ASTN2: variants seen among roughly 807,000 people sequenced by gnomAD.
ASTN2 encodes astrotactin 2.
Under a neutral mutation model 139.8 loss-of-function variants are expected in ASTN2, and 54 were observed. The ratio of observed to expected loss-of-function variants is 0.39; its 90% CI spans 0.31 to 0.48. The LOEUF (loss-of-function observed/expected upper bound fraction) is 0.48. ASTN2 is among the 20% of genes least tolerant of loss of function. The pLI, the probability that ASTN2 is intolerant of heterozygous loss-of-function variation, is 0.95. For missense variants in ASTN2, 1,565 were observed against 1,725.1 expected (o/e 0.91, Z 1.64); for synonymous variants, 756 against 719.5 (o/e 1.05, Z -0.81).
chr9:116,946,936 C>CAAAAAAAAAAAAAAAA (rs3983292), intron 10 of ASTN2, among the ~76,000 whole-genome samples: 4 of 127,922 alleles, frequency 3.1e-5, no homozygotes, highest in African/African-American at 1.2e-4. Context: ...ACATTTTTGT[C>CAAAAAAAAAAAAAAAA]AAAAAAAAAA....
At chr9:117,013,484 ATATTT>A (rs138152636) in intron 6 of ASTN2, among the ~76,000 whole-genome samples, 22,574 of 93,812 alleles carry the variant, frequency 0.24, 2,100 homozygotes, top group East Asian at 0.46. Flanking sequence ...ATATATATAT[ATATTT>A]TTTTTTTTCT....
chr9:117,005,353 C>T (rs1273232472), intron 7 of ASTN2, among the ~76,000 whole-genome samples: 1 of 151,862 alleles, frequency 6.6e-6, no homozygotes, highest in Non-Finnish European at 1.5e-5. Context: ...TCCCAAAGTG[C>T]TGGGATTACA....
Position 117,249,220 on chromosome 9 carries a change from C to A in ASTN2, c.631-34478G>T, listed in dbSNP as rs148968334. Among the ~76,000 whole-genome samples, 819 of 152,234 alleles carry A rather than the reference C, an allele frequency of 5.4e-3. 3 individuals carry two copies. The highest frequency in any genetic ancestry group is 0.018 in the South Asian group (89 of 4,818). On this transcript the variant is annotated intron_variant, in intron 2 of 22. Transcript: ENST00000313400. ...GAAGAAAGAAAAACAAGGCAATAAACCCTAATGGAAAAGAAGGAAAAGAAA... is the reference window on the plus strand; with the variant it reads ...GAAGAAAGAAAAACAAGGCAATAAAACCTAATGGAAAAGAAGGAAAAGAAA...
chr9:116,934,194 C>A (rs778772493), intron 10 of ASTN2, among the ~76,000 whole-genome samples: 4 of 151,886 alleles, frequency 2.6e-5, no homozygotes, highest in Non-Finnish European at 5.9e-5. Context: ...AGCTACTGCT[C>A]CAAAGAGGTG....
intron 1 of ASTN2, among the ~76,000 whole-genome samples, chr9:117,330,203 C>T (rs1415373430): frequency 6.6e-6 from 1 of 152,164 alleles, no homozygotes; most frequent in Non-Finnish European, 1.5e-5. Flanking sequence ...ACCCTCCCAC[C>T]AGGACACTCC....
At chr9:117,155,854 C>T (rs552603015) in intron 3 of ASTN2, among the ~76,000 whole-genome samples, 23 of 152,126 alleles carry the variant, frequency 1.5e-4, no homozygotes, top group African/African-American at 5.3e-4. Context: ...ATCTGGGCAT[C>T]AGAGAGATCA....
chr9:116,677,067 TA>T (rs1859550219), intron 16 of ASTN2, among the ~76,000 whole-genome samples: 1 of 152,256 alleles, frequency 6.6e-6, no homozygotes, highest in Non-Finnish European at 1.5e-5. Flanking sequence ...GCACTATGGT[TA>T]AAAGTCAGCT....
chr9:117,104,384 A>G (rs1341241118), intron 4 of ASTN2, among the ~76,000 whole-genome samples: 1 of 152,170 alleles, frequency 6.6e-6, no homozygotes, highest in Non-Finnish European at 1.5e-5. Context: ...TGGGTAAAAA[A>G]ATATGCAGAG....
In ASTN2 at chr9:117,374,883, A is replaced by G. The variant is rs139667701; in HGVS notation, c.442+39614T>C. On this transcript the variant is annotated intron_variant, in intron 1 of 22. Transcript: ENST00000313400. Reference sequence around the variant, plus strand: ...AAGCCTGACTATCTGGACAAACCGAATACTGTCAACCCAGAATTGAAGACC... The same window carrying G: ...AAGCCTGACTATCTGGACAAACCGAGTACTGTCAACCCAGAATTGAAGACC... Among the ~76,000 whole-genome samples, 893 of 152,298 alleles carry G rather than the reference A, an allele frequency of 5.9e-3. 8 individuals carry two copies. The highest frequency in any genetic ancestry group is 0.021 in the African/African-American group (852 of 41,554).
At chr9:117,321,581 C>G (rs1490230991) in intron 1 of ASTN2, among the ~76,000 whole-genome samples, 2 of 152,168 alleles carry the variant, frequency 1.3e-5, no homozygotes, top group African/African-American at 4.8e-5. Context: ...CACTGTCATG[C>G]ATCTCCAACT....
At chr9:116,507,429 C>A (rs576824680) in intron 19 of ASTN2, among the ~76,000 whole-genome samples, 1 of 152,208 alleles carries the variant, frequency 6.6e-6, no homozygotes, top group East Asian at 1.9e-4. Flanking sequence ...AGAATCAAAC[C>A]AGACTTTCTA....
chr9:116,448,460 C>T (rs1045945365), intron 20 of ASTN2, among the ~76,000 whole-genome samples: 6 of 152,226 alleles, frequency 3.9e-5, no homozygotes, highest in African/African-American at 1.2e-4. Flanking sequence ...CAGGACCAAG[C>T]TCACTGCTGA....
chr9:117,193,637 A>C (rs1831407198), intron 3 of ASTN2, among the ~76,000 whole-genome samples: 2 of 45,324 alleles, frequency 4.4e-5, no homozygotes. Context: ...AGATTCAGTC[A>C]CCAAAAAAAA....
chr9:116,725,329 T>C (rs991813801), intron 16 of ASTN2, among the ~76,000 whole-genome samples: 3 of 151,762 alleles, frequency 2.0e-5, no homozygotes, highest in Admixed American at 6.6e-5. Context: ...TATGAGGTGA[T>C]TGTTTTTCCA....
At chr9:117,120,976 T>C (rs1395491236) in intron 4 of ASTN2, among the ~76,000 whole-genome samples, 1 of 152,210 alleles carries the variant, frequency 6.6e-6, no homozygotes, top group East Asian at 1.9e-4. Flanking sequence ...TTGTCAGATG[T>C]AGTGTCTATG....
chr9:117,157,306 GA>G (rs1830453728), intron 3 of ASTN2, among the ~76,000 whole-genome samples: 1 of 151,904 alleles, frequency 6.6e-6, no homozygotes, highest in African/African-American at 2.4e-5. Context: ...AGACTGGAAG[GA>G]AAAAAGACAC....
intron 11 of ASTN2, among the ~76,000 whole-genome samples, chr9:116,825,698 C>T (rs1831605720): frequency 1.3e-5 from 2 of 152,200 alleles, no homozygotes; most frequent in African/African-American, 4.8e-5. Flanking sequence ...AGAGAAACCC[C>T]CAGGGTTCCA....
At chr9:116,562,282 T>C (rs542440188) in intron 19 of ASTN2, 4 of 152,368 alleles carry the variant, frequency 2.6e-5, no homozygotes, top group African/African-American at 9.6e-5. Context: ...TAAAGAAACC[T>C]GTTTACATTT....
chr9:116,785,830 T>G (rs1395502304), intron 13 of ASTN2, among the ~76,000 whole-genome samples: 1 of 152,146 alleles, frequency 6.6e-6, no homozygotes, highest in Non-Finnish European at 1.5e-5. Flanking sequence ...GGGAACTGCT[T>G]TCCCTGATTT....
Sources: gnomAD v4.1 joint callset for allele counts (sites outside exome capture counted in the v4.1 genomes callset) on GRCh38, gnomAD v4.1.1 for gene constraint, MANE v1.5 for transcripts, NCBI Gene and HGNC (gene_info 2026-07-23, HGNC 2026-07-21) for gene names.